NTF3: variants seen among roughly 807,000 people sequenced by gnomAD.
NTF3 encodes the protein neurotrophin-3.
In NTF3, 8 loss-of-function variants were observed where a neutral mutation model predicts 26.3. The observed-to-expected ratio is 0.30, with a 90% CI of 0.18 to 0.55. The LOEUF (loss-of-function observed/expected upper bound fraction) is 0.55. Among genes scored for constraint, NTF3 ranks in the 20% least tolerant of loss-of-function variants. The pLI is 0.93. For missense variants in NTF3, 276 were observed against 352.9 expected, an observed-to-expected ratio of 0.78 and a Z score of 1.75; for synonymous variants, 154 against 145.5, an observed-to-expected ratio of 1.06 and a Z score of -0.42.
rs543785026 is a variant in NTF3, at chr12:5,435,889, C to T, written c.18+3547C>T. 2.6e-5 allele frequency among the ~76,000 whole-genome samples: 4 copies of T among 152,154 alleles called. No homozygotes were observed. In the East Asian group the frequency reaches 5.8e-4, roughly 22 times the overall value. Reference sequence around the variant, plus strand: ...AGTAACGTAACTGGGAGAAAACTAGCGAGGTGGATAGGAGGGGTGGATATT... The same window carrying T: ...AGTAACGTAACTGGGAGAAAACTAGTGAGGTGGATAGGAGGGGTGGATATT... On this transcript the variant is annotated intron_variant, in intron 1 of 1. Coordinates refer to ENST00000423158, the MANE Select transcript of NTF3 (RefSeq NM_001102654.2).
rs374514042 is a variant in NTF3, at chr12:5,487,412, G to A, written c.19-6782G>A. ...CCACTTAGCTTTCTTTTGGGGTATA[G>A]GTTTCTTGTCTGTTCAGGGGTCCCT... On this transcript the variant is annotated intron_variant, in intron 1 of 1. Transcript: ENST00000423158. Among the ~76,000 whole-genome samples the A allele has an allele frequency of 3.4e-4, 52 of 152,334 alleles. 2 individuals are homozygous for A. The South Asian group carries it at 0.01, about 30-fold the overall frequency.
At chr12:5,438,987 G>A (rs1940206299) in intron 1 of NTF3, among the ~76,000 whole-genome samples, 1 of 152,176 alleles carries the variant, frequency 6.6e-6, no homozygotes, top group South Asian at 2.1e-4. Flanking sequence ...CTGAGTCAAA[G>A]GCAGAAAAGC....
chr12:5,462,551 C>T (rs527644430), intron 1 of NTF3, among the ~76,000 whole-genome samples: 3 of 152,232 alleles, frequency 2.0e-5, no homozygotes, highest in Non-Finnish European at 4.4e-5. Context: ...CAAGTGATAG[C>T]CAAGTATGAA....
chr12:5,488,550 A>G (rs1940896798), intron 1 of NTF3, among the ~76,000 whole-genome samples: 1 of 152,240 alleles, frequency 6.6e-6, no homozygotes, highest in African/African-American at 2.4e-5. Context: ...ACCTATGTTC[A>G]GAGCAAAGCC....
At chr12:5,461,113 A>C (rs146307883) in intron 1 of NTF3, among the ~76,000 whole-genome samples, 24 of 152,308 alleles carry the variant, frequency 1.6e-4, no homozygotes, top group African/African-American at 5.8e-4. Context: ...TATAAATCAC[A>C]TGTGAAGGGA....
intron 1 of NTF3, among the ~76,000 whole-genome samples, chr12:5,464,587 G>C (rs960377086): frequency 5.3e-5 from 8 of 152,174 alleles, no homozygotes; most frequent in African/African-American, 1.7e-4. Flanking sequence ...ATCCCTTGAT[G>C]ATGATGATCC....
intron 1 of NTF3, among the ~76,000 whole-genome samples, chr12:5,454,776 C>T (rs891370065): frequency 3.9e-5 from 6 of 152,038 alleles, no homozygotes; most frequent in Non-Finnish European, 8.8e-5. Flanking sequence ...AGGAGGACAG[C>T]GGCGAGAAAA....
At position 5,495,167 on chromosome 12, in the gene NTF3, C is replaced by T. The variant is rs1433756375; in HGVS notation, c.*179C>T. 7.5e-6 allele frequency: 5 copies of T among 665,154 alleles called. No homozygotes were observed. The highest frequency in any genetic ancestry group is 1.3e-5 in the Non-Finnish European group (5 of 399,562). The allele number at this position is 665,154 out of a possible 1,614,324, so 41.2% of individuals were successfully genotyped here. ...ATCAGTGTGCTTGCCTTCCCTCAGG[C>T]CTCTCCCATCTGTTAAAACTTGTTT... On this transcript the variant is annotated 3_prime_UTR_variant, in exon 2 of 2. Transcript: ENST00000423158.
At chr12:5,483,642 T>C (rs1204304486) in intron 1 of NTF3, among the ~76,000 whole-genome samples, 2 of 152,234 alleles carry the variant, frequency 1.3e-5, no homozygotes, top group East Asian at 1.9e-4. Context: ...TTATAGTCCT[T>C]TGGGTATATA....
At chr12:5,471,839 A>G (rs1940669905) in intron 1 of NTF3, among the ~76,000 whole-genome samples, 1 of 151,898 alleles carries the variant, frequency 6.6e-6, no homozygotes, top group Admixed American at 6.6e-5. Context: ...GCATCCTGGA[A>G]GTTTTCTTTC....
At chr12:5,458,175 A>C (rs1393099182) in intron 1 of NTF3, among the ~76,000 whole-genome samples, 1 of 152,034 alleles carries the variant, frequency 6.6e-6, no homozygotes, top group Non-Finnish European at 1.5e-5. Flanking sequence ...TGCACAATGC[A>C]CCTTCTGGCC....
chr12:5,455,515 C>T (rs1940432128), intron 1 of NTF3, among the ~76,000 whole-genome samples: 1 of 147,674 alleles, frequency 6.8e-6, no homozygotes, highest in Non-Finnish European at 1.5e-5. Context: ...ATCCATCTGG[C>T]CTCTGTAACC....
intron 1 of NTF3, among the ~76,000 whole-genome samples, chr12:5,470,817 C>G (rs997919229): frequency 3.3e-5 from 5 of 152,180 alleles, no homozygotes; most frequent in Non-Finnish European, 7.3e-5. Flanking sequence ...AACATGCCAC[C>G]CAGCCTGCAG....
Position 5,494,055 on chromosome 12 carries a change from G to A in NTF3, c.19-139G>A, listed in dbSNP as rs1457784354. ...AAATCACCTCTTCAGAATGTCCAGA[G>A]GGGAGTTGCCTTGCTTACCTGGGGG... On this transcript the variant is annotated intron_variant, in intron 1 of 1. Coordinates refer to ENST00000423158, the MANE Select transcript of NTF3 (RefSeq NM_001102654.2). The surrounding 1 kb of genome is among the most constrained non-coding windows in gnomAD (Gnocchi z 8.3). The A allele has an allele frequency of 2.9e-6, 2 of 694,326 alleles. No homozygotes were observed. The highest frequency in any genetic ancestry group is 5.4e-5 in the East Asian group (2 of 37,228). The allele number at this position is 694,326 out of a possible 1,614,324, so 43.0% of individuals were successfully genotyped here.
At chr12:5,480,737 C>T (rs921307673) in intron 1 of NTF3, among the ~76,000 whole-genome samples, 2 of 139,224 alleles carry the variant, frequency 1.4e-5, no homozygotes, top group Admixed American at 8.0e-5. Flanking sequence ...CGTTTCATGC[C>T]GAGAGTGACC....
upstream of NTF3, among the ~76,000 whole-genome samples, chr12:5,431,146 C>A: frequency 6.6e-6 from 1 of 152,120 alleles, no homozygotes; most frequent in East Asian, 1.9e-4. Flanking sequence ...TCGAATGTAT[C>A]CACCGGTGGG....
intron 1 of NTF3, among the ~76,000 whole-genome samples, chr12:5,492,422 T>G (rs980731173): frequency 1.3e-5 from 2 of 152,162 alleles, no homozygotes; most frequent in Non-Finnish European, 2.9e-5. Flanking sequence ...TTGAGGGGAG[T>G]AGAGAATGTA....
chr12:5,441,083 A>G (rs531904184), intron 1 of NTF3, among the ~76,000 whole-genome samples: 2 of 152,304 alleles, frequency 1.3e-5, no homozygotes, highest in African/African-American at 4.8e-5. Flanking sequence ...TGAATTCAAT[A>G]AGCTAAATCA....
intron 1 of NTF3, among the ~76,000 whole-genome samples, chr12:5,487,621 C>T (rs1335242176): frequency 6.6e-6 from 1 of 152,166 alleles, no homozygotes; most frequent in Admixed American, 6.5e-5. Context: ...GTGTCTTGTC[C>T]TGTTTCAGAT....
Sources: gnomAD v4.1 joint callset for allele counts (sites outside exome capture counted in the v4.1 genomes callset) on GRCh38, gnomAD v4.1.1 for gene constraint, Gnocchi (gnomAD v3.1) non-coding constraint, MANE v1.5 for transcripts, NCBI Gene and HGNC (gene_info 2026-07-23, HGNC 2026-07-21) for gene names.